The following NBDY variants were observed in gnomAD, a reference collection of about 807,000 sequenced individuals.
The protein encoded by NBDY is negative regulator of P-body association, also known as P-body dissociating protein.
chrX:56,812,748 C>A (rs895266774), intron 2 of NBDY, among the ~76,000 whole-genome samples: 1 of 111,600 alleles, frequency 9.0e-6, no homozygotes, highest in Non-Finnish European at 1.9e-5. Flanking sequence ...TCTTTCAGGA[C>A]AGCTTTGGTG....
At chrX:56,753,208 C>T (rs138877192) in intron 2 of NBDY, among the ~76,000 whole-genome samples, 2,306 of 112,349 alleles carry the variant, frequency 0.021, 20 homozygotes, top group Non-Finnish European at 0.031. Flanking sequence ...TTGAAGACTA[C>T]TCAGTCTAAT....
At chrX:56,814,065 C>A (rs1401862701) in intron 2 of NBDY, among the ~76,000 whole-genome samples, 1 of 108,976 alleles carries the variant, frequency 9.2e-6, no homozygotes, top group Non-Finnish European at 1.9e-5. Flanking sequence ...TCAATTTGTT[C>A]TTTTACTTTT....
chrX:56,731,721 T>C (rs2069460205), intron 1 of NBDY, among the ~76,000 whole-genome samples: 2 of 111,954 alleles, frequency 1.8e-5, no homozygotes, highest in African/African-American at 6.5e-5. Flanking sequence ...TTACTGAAGA[T>C]TTATGTGCCA....
In NBDY at chrX:56,794,180, C is replaced by A. The variant is rs1309145553; in HGVS notation, c.*167-23140C>A. On this transcript the variant is annotated intron_variant, in intron 2 of 2. Coordinates refer to ENST00000374922, the MANE Select transcript of NBDY (RefSeq NM_001348129.2). ...TACGCTTTGTTCTAGGGCTCTAAAC[C>A]CTGGTCGGGGAAACCCTGGCTCAGG... Among the ~76,000 whole-genome samples, 4 of 111,820 alleles carry A rather than the reference C, an allele frequency of 3.6e-5. No individual in the cohort carries two copies. The Admixed American group carries it at 3.8e-4, about 11-fold the overall frequency.
rs1274693399 is a variant in NBDY, at chrX:56,818,935, G to A, written c.*1782G>A. On this transcript the variant is annotated 3_prime_UTR_variant, in exon 3 of 3. Transcript: ENST00000374922. ...CTGAGAAGGAGGCAAGACAAAAGGG[G>A]AAATAACTATTTTCAATAAATGGTA... 1 of 97,379 alleles carries A rather than the reference G, an allele frequency of 1.0e-5. No individual in the cohort carries two copies. Among genetic ancestry groups the A allele is most frequent in the African/African-American group, 3.7e-5 (1 of 26,845 alleles). The allele number at this position is 97,379 out of a possible 1,213,427, so 8.0% of individuals were successfully genotyped here.
intron 2 of NBDY, among the ~76,000 whole-genome samples, chrX:56,758,434 G>A (rs1468693555): frequency 3.6e-5 from 4 of 111,651 alleles, no homozygotes; most frequent in Non-Finnish European, 7.5e-5. Context: ...GGATGGGGCA[G>A]GACAGGACGA....
At chrX:56,755,830 A>T (rs1413962922) in intron 2 of NBDY, among the ~76,000 whole-genome samples, 2 of 107,855 alleles carry the variant, frequency 1.9e-5, no homozygotes, top group African/African-American at 6.8e-5. Flanking sequence ...CGCTATAAAG[A>T]CACATGCACA....
At chrX:56,801,977 GAC>G (rs5902560) in intron 2 of NBDY, among the ~76,000 whole-genome samples, 3,269 of 99,493 alleles carry the variant, frequency 0.033, 80 homozygotes, top group Middle Eastern at 0.082. Flanking sequence ...CAAACTCATA[GAC>G]ACACACACAC....
intron 2 of NBDY, among the ~76,000 whole-genome samples, chrX:56,794,157 C>T (rs933743310): frequency 2.6e-4 from 29 of 111,955 alleles, no homozygotes; most frequent in Non-Finnish European, 4.9e-4. Flanking sequence ...ACGGCAGGTA[C>T]GCTTTGTTCT....
At chrX:56,753,612 G>A (rs1168907597) in intron 2 of NBDY, among the ~76,000 whole-genome samples, 1 of 111,425 alleles carries the variant, frequency 9.0e-6, no homozygotes, top group Non-Finnish European at 1.9e-5. Context: ...ACTGGGAGAG[G>A]AAGTGGGTCC....
At chrX:56,760,169 G>A (rs1224416514) in intron 2 of NBDY, among the ~76,000 whole-genome samples, 1 of 113,007 alleles carries the variant, frequency 8.8e-6, no homozygotes, top group African/African-American at 3.2e-5. Context: ...GAACCCCGGT[G>A]GGGGGAAACC....
At chrX:56,802,077 CAT>C (rs1254999728) in intron 2 of NBDY, among the ~76,000 whole-genome samples, 11 of 111,425 alleles carry the variant, frequency 9.9e-5, no homozygotes, top group African/African-American at 2.0e-4. Flanking sequence ...CGCACACACA[CAT>C]GTGTCGCCAT....
Position 56,752,073 on chromosome X carries a change from A to G in NBDY, c.*166+19874A>G, listed in dbSNP as rs187920902. Among the ~76,000 whole-genome samples, 59 of 112,437 alleles carry G rather than the reference A, an allele frequency of 5.2e-4. No individual in the cohort carries two copies. In the South Asian group the frequency reaches 8.5e-3, roughly 16 times the overall value. The stretch of plus-strand genomic sequence containing the variant: ...GGCTGCATAGTATTCCATGGTGTAC[A>G]TGAAACACATTTTCTTCATCCAGTC... On this transcript the variant is annotated intron_variant, in intron 2 of 2. Transcript: ENST00000374922.
chrX:56,742,802 G>A (rs2069537835), intron 2 of NBDY, among the ~76,000 whole-genome samples: 1 of 111,172 alleles, frequency 9.0e-6, no homozygotes, highest in African/African-American at 3.3e-5. Context: ...TTTCCAATTT[G>A]GATGCCCTTA....
chrX:56,783,716 T>C (rs762413884), intron 2 of NBDY, among the ~76,000 whole-genome samples: 3 of 112,955 alleles, frequency 2.7e-5, no homozygotes, highest in South Asian at 3.6e-4. Flanking sequence ...GTTGTCATGT[T>C]CAGAAACACC....
chrX:56,813,774 T>A (rs958543721), intron 2 of NBDY, among the ~76,000 whole-genome samples: 7 of 111,383 alleles, frequency 6.3e-5, no homozygotes, highest in South Asian at 3.8e-4. Flanking sequence ...GGAAGTCTGT[T>A]ATCAGATAGG....
At chrX:56,796,038 T>A (rs1272345612) in intron 2 of NBDY, among the ~76,000 whole-genome samples, 1 of 111,932 alleles carries the variant, frequency 8.9e-6, no homozygotes, top group African/African-American at 3.3e-5. Context: ...TTCACACCTG[T>A]GTCTGGTCCT....
At chrX:56,806,233 G>A (rs1460869006) in intron 2 of NBDY, among the ~76,000 whole-genome samples, 7 of 111,991 alleles carry the variant, frequency 6.3e-5, no homozygotes, top group Non-Finnish European at 3.8e-5. Flanking sequence ...TGGGCATTTG[G>A]GTTGGTTCCA....
intron 2 of NBDY, among the ~76,000 whole-genome samples, chrX:56,808,932 C>T (rs766746334): frequency 4.4e-5 from 5 of 112,634 alleles, no homozygotes; most frequent in South Asian, 7.3e-4. Context: ...CTGCTTTAAA[C>T]GCATCCCTGA....
Sources: gnomAD v4.1 joint callset for allele counts (sites outside exome capture counted in the v4.1 genomes callset) on GRCh38, gnomAD v4.1.1 for gene constraint, MANE v1.5 for transcripts, NCBI Gene and HGNC (gene_info 2026-07-23, HGNC 2026-07-21) for gene names.